Variants in GPC5 observed in about 807,000 individuals in gnomAD.
The protein encoded by GPC5 is glypican-5.
In GPC5, 47 loss-of-function variants were observed where a neutral mutation model predicts 53.9. The ratio of observed to expected loss-of-function variants is 0.87; its 90% CI spans 0.69 to 1.11. GPC5 has a LOEUF of 1.11. Among genes scored for constraint, GPC5 ranks in the 50% most tolerant of loss-of-function variants. The probability of loss-of-function intolerance (pLI) is 0.00; values close to 1 mark genes in which losing one functional copy is unlikely to be tolerated. For synonymous variants in GPC5, 286 were observed against 263.3 expected, an observed-to-expected ratio of 1.09 and a Z score of -0.84; for missense variants, 748 against 713.1, an observed-to-expected ratio of 1.05 and a Z score of -0.56.
intron 7 of GPC5, among the ~76,000 whole-genome samples, chr13:92,626,784 T>G (rs920143570): frequency 6.6e-6 from 1 of 152,202 alleles, no homozygotes; most frequent in Admixed American, 6.6e-5. Context: ...CTATAATATT[T>G]GACAATTATT....
intron 6 of GPC5, 149 bp from the exon 7 acceptor site, chr13:92,144,681 T>G: frequency 2.3e-5 from 15 of 653,422 alleles, no homozygotes; most frequent in Non-Finnish European, 3.3e-5. Context: ...ACTATTTCAG[T>G]TGTTTCATTT....
At chr13:92,513,061 A>G (rs1181458574) in intron 7 of GPC5, among the ~76,000 whole-genome samples, 1 of 152,166 alleles carries the variant, frequency 6.6e-6, no homozygotes, top group African/African-American at 2.4e-5. Context: ...TCACAGGTGT[A>G]CCTTTGTGCT....
chr13:92,309,023 C>T (rs1329440258), intron 7 of GPC5, among the ~76,000 whole-genome samples: 4 of 151,888 alleles, frequency 2.6e-5, no homozygotes, highest in Non-Finnish European at 4.4e-5. Context: ...AAATATTGAG[C>T]ACATTCATAA....
intron 7 of GPC5, among the ~76,000 whole-genome samples, chr13:92,433,786 GA>G (rs1308823140): frequency 6.6e-6 from 1 of 152,094 alleles, no homozygotes; most frequent in Admixed American, 6.6e-5. Flanking sequence ...GCAGAGTTTG[GA>G]AAAAGTAAGA....
intron 5 of GPC5, among the ~76,000 whole-genome samples, chr13:91,848,703 A>C (rs1314724083): frequency 2.0e-5 from 3 of 152,226 alleles, no homozygotes; most frequent in Non-Finnish European, 4.4e-5. Flanking sequence ...TAATCTCTCA[A>C]ACCATAGTAG....
intron 7 of GPC5, among the ~76,000 whole-genome samples, chr13:92,736,305 G>A (rs994349880): frequency 2.6e-5 from 4 of 151,914 alleles, no homozygotes; most frequent in African/African-American, 9.7e-5. Flanking sequence ...CCTTTGTCAG[G>A]AAGTTATTGC....
chr13:92,391,443 T>G (rs1022866248), intron 7 of GPC5, among the ~76,000 whole-genome samples: 2 of 152,122 alleles, frequency 1.3e-5, no homozygotes, highest in African/African-American at 4.8e-5. Context: ...GATTTAAAAT[T>G]TTTTATTTGA....
intron 7 of GPC5, among the ~76,000 whole-genome samples, chr13:92,525,457 TG>T (rs1220846189): frequency 5.3e-5 from 8 of 151,154 alleles, no homozygotes; most frequent in African/African-American, 1.9e-4. Flanking sequence ...TGTGTGTGTG[TG>T]TGTGTGTGTG....
chr13:91,683,601 C>T (rs555597487), intron 2 of GPC5, among the ~76,000 whole-genome samples: 13 of 152,228 alleles, frequency 8.5e-5, no homozygotes, highest in African/African-American at 2.4e-4. Flanking sequence ...CTTAGGAACT[C>T]GCCATTTTAT....
intron 7 of GPC5, among the ~76,000 whole-genome samples, chr13:92,147,388 T>A (rs1328596675): frequency 6.6e-6 from 1 of 151,994 alleles, no homozygotes; most frequent in Non-Finnish European, 1.5e-5. Flanking sequence ...TTTTTTTGTG[T>A]GTGAGTGTGT....
At chr13:91,813,995 T>C (rs9560861) in intron 5 of GPC5, among the ~76,000 whole-genome samples, 12,873 of 142,510 alleles carry the variant, frequency 0.09, 1,081 homozygotes, top group East Asian at 0.22. Flanking sequence ...TGCAGTGGCG[T>C]GATCTCGGCT....
intron 7 of GPC5, among the ~76,000 whole-genome samples, chr13:92,146,037 A>C (rs908433778): frequency 6.6e-6 from 1 of 152,194 alleles, no homozygotes; most frequent in Non-Finnish European, 1.5e-5. Flanking sequence ...AGAGGTGCAA[A>C]ATTAAAAAGG....
At chr13:91,668,681 G>C (rs1409379755) in intron 2 of GPC5, among the ~76,000 whole-genome samples, 1 of 152,036 alleles carries the variant, frequency 6.6e-6, no homozygotes, top group Non-Finnish European at 1.5e-5. Flanking sequence ...AATTTCTCTT[G>C]TCAAATATAA....
At chr13:92,469,219 TTC>T (rs963842929) in intron 7 of GPC5, among the ~76,000 whole-genome samples, 29 of 152,200 alleles carry the variant, frequency 1.9e-4, no homozygotes, top group African/African-American at 7.0e-4. Flanking sequence ...TTTTTTTCTT[TTC>T]TTTTTGAGAT....
At chr13:92,846,595 G>T (rs2138839465) in intron 7 of GPC5, among the ~76,000 whole-genome samples, 1 of 152,276 alleles carries the variant, frequency 6.6e-6, no homozygotes, top group South Asian at 2.1e-4. Flanking sequence ...TTGCCAGATT[G>T]TCGCAGCTTT....
chr13:92,359,311 G>A (rs939849473), intron 7 of GPC5, among the ~76,000 whole-genome samples: 19 of 151,620 alleles, frequency 1.3e-4, no homozygotes, highest in African/African-American at 4.1e-4. Context: ...CCTCACCTCC[G>A]TCTGAGACTA....
chr13:92,047,264 A>G (rs1216537440), intron 6 of GPC5, among the ~76,000 whole-genome samples: 3 of 152,122 alleles, frequency 2.0e-5, no homozygotes, highest in African/African-American at 7.2e-5. Context: ...TGCAAAAACA[A>G]CATTAATTAA....
intron 6 of GPC5, among the ~76,000 whole-genome samples, chr13:92,065,784 G>A (rs2041162868): frequency 6.6e-6 from 1 of 151,958 alleles, no homozygotes; most frequent in African/African-American, 2.4e-5. Flanking sequence ...AGTTTTGTTT[G>A]TGATATTTAA....
At chr13:91,754,466 T>C (rs1266137430) in intron 4 of GPC5, among the ~76,000 whole-genome samples, 1 of 152,134 alleles carries the variant, frequency 6.6e-6, no homozygotes, top group Admixed American at 6.5e-5. Flanking sequence ...AAATGAACCT[T>C]GTGCTATCCA....
Sources: gnomAD v4.1 joint callset for allele counts (sites outside exome capture counted in the v4.1 genomes callset) on GRCh38, gnomAD v4.1.1 for gene constraint, MANE v1.5 for transcripts, NCBI Gene and HGNC (gene_info 2026-07-23, HGNC 2026-07-21) for gene names.